DIAPH2: variants seen among roughly 807,000 people sequenced by gnomAD.
DIAPH2 encodes the protein protein diaphanous homolog 2.
Under a neutral mutation model 92.7 loss-of-function variants are expected in DIAPH2, and 35 were observed. The observed-to-expected ratio is 0.38, with a 90% CI of 0.29 to 0.50. The LOEUF is 0.50. Among genes scored for constraint, DIAPH2 ranks in the 20% least tolerant of loss-of-function variants. The pLI, the probability that DIAPH2 is intolerant of heterozygous loss-of-function variation, is 0.94. For missense variants in DIAPH2, 701 were observed against 819.5 expected, an observed-to-expected ratio of 0.86 and a Z score of 1.77; for synonymous variants, 301 against 280.4, an observed-to-expected ratio of 1.07 and a Z score of -0.73.
chrX:96,700,618 G>A (rs772147958), intron 1 of DIAPH2, among the ~76,000 whole-genome samples: 2 of 111,933 alleles, frequency 1.8e-5, no homozygotes, highest in South Asian at 7.5e-4. Context: ...ACTTCATAGT[G>A]GTGTTTTTAA....
At chrX:97,231,559 A>T (rs192948877) in intron 22 of DIAPH2, among the ~76,000 whole-genome samples, 4 of 111,687 alleles carry the variant, frequency 3.6e-5, no homozygotes, top group Admixed American at 2.9e-4. Context: ...AATTCAATGA[A>T]ATTTAAATAA....
intron 10 of DIAPH2, 76 bp downstream of exon 10, chrX:96,930,919 G>A: frequency 9.6e-7 from 1 of 1,046,183 alleles, no homozygotes; most frequent in Non-Finnish European, 1.3e-6. Context: ...ACTTGAAGCA[G>A]AGTAAATAAA....
intron 25 of DIAPH2, among the ~76,000 whole-genome samples, chrX:97,405,036 T>A (rs761560328): frequency 3.6e-5 from 4 of 112,377 alleles, no homozygotes; most frequent in Admixed American, 9.5e-5. Context: ...TGGATTTATT[T>A]ATTCAATTCT....
intron 22 of DIAPH2, among the ~76,000 whole-genome samples, chrX:97,241,180 C>G (rs1256209842): frequency 8.9e-6 from 1 of 112,019 alleles, no homozygotes; most frequent in Non-Finnish European, 1.9e-5. Flanking sequence ...GTAGTGCATA[C>G]CTTATAGAAT....
intron 16 of DIAPH2, among the ~76,000 whole-genome samples, chrX:96,962,352 C>CACATATATATAT (rs1569436507): frequency 1.4e-4 from 6 of 44,178 alleles, no homozygotes; most frequent in African/African-American, 2.9e-4. Context: ...TATATATATA[C>CACATATATATAT]ACATATATAT....
chrX:97,287,138 G>A (rs538342942), intron 23 of DIAPH2, among the ~76,000 whole-genome samples: 66 of 110,980 alleles, frequency 5.9e-4, no homozygotes, highest in Admixed American at 3.0e-3. Flanking sequence ...GTGAAACCCC[G>A]TCTCTACTAA....
chrX:97,040,149 A>G (rs1257074019), intron 17 of DIAPH2, among the ~76,000 whole-genome samples: 1 of 107,481 alleles, frequency 9.3e-6, no homozygotes, highest in Non-Finnish European at 1.9e-5. Context: ...GTAGGTTGAG[A>G]CTTGGCAAGT....
intron 25 of DIAPH2, among the ~76,000 whole-genome samples, chrX:97,422,825 G>A (rs955630264): frequency 8.9e-6 from 1 of 111,885 alleles, no homozygotes; most frequent in Non-Finnish European, 1.9e-5. Context: ...GGAGAGCACA[G>A]AGTAATTTCA....
At chrX:97,090,401 G>T (rs1349817473) in intron 19 of DIAPH2, among the ~76,000 whole-genome samples, 2 of 97,207 alleles carry the variant, frequency 2.1e-5, no homozygotes, top group African/African-American at 7.7e-5. Context: ...GGCCACCGCT[G>T]CCCGCCACGC....
At chrX:97,198,397 C>T (rs1267119411) in intron 22 of DIAPH2, among the ~76,000 whole-genome samples, 1 of 109,505 alleles carries the variant, frequency 9.1e-6, no homozygotes, top group Non-Finnish European at 1.9e-5. Context: ...TTAAGCTAAA[C>T]TTGTCCATTG....
In DIAPH2 at chrX:96,981,441, C is replaced by G. The variant is rs182519199; in HGVS notation, c.2050+16234C>G. 1.1e-3 allele frequency among the ~76,000 whole-genome samples: 119 copies of G among 111,542 alleles called. 1 individual carries two copies. Among genetic ancestry groups the G allele is most frequent in the African/African-American group, 3.8e-3 (117 of 30,717 alleles). ...AATACAATAATAATCAATAGAATAA[C>G]TATCAAAAGGTTTTATGAGAATGAA... On this transcript the variant is annotated intron_variant, in intron 17 of 26. Coordinates refer to ENST00000324765, the MANE Select transcript of DIAPH2 (RefSeq NM_006729.5).
At chrX:97,401,061 T>G (rs2069752591) in intron 25 of DIAPH2, among the ~76,000 whole-genome samples, 1 of 110,144 alleles carries the variant, frequency 9.1e-6, no homozygotes, top group African/African-American at 3.3e-5. Context: ...TTTTTTAGCA[T>G]TTCAGAGCAT....
At chrX:97,469,616 T>C in intron 26 of DIAPH2, 1 of 926,575 alleles carries the variant, frequency 1.1e-6, no homozygotes. Flanking sequence ...TTTTGTCTTA[T>C]TCAGTGTTCT....
chrX:97,541,130 G>T (rs1190374998), intron 26 of DIAPH2, among the ~76,000 whole-genome samples: 3 of 111,504 alleles, frequency 2.7e-5, no homozygotes, highest in African/African-American at 9.8e-5. Context: ...AATTAAACAT[G>T]ACGTTTCCTC....
At chrX:96,937,408 G>T in intron 11 of DIAPH2, 57 bp downstream of exon 11, 1 of 754,164 alleles carries the variant, frequency 1.3e-6, no homozygotes, top group Non-Finnish European at 1.9e-6. Flanking sequence ...AGGGATTTGT[G>T]GGCGATTTTG....
chrX:96,685,282 C>T, intron 1 of DIAPH2, 92 bp downstream of exon 1: 3 of 909,573 alleles, frequency 3.3e-6, no homozygotes, highest in Non-Finnish European at 4.2e-6. Flanking sequence ...GGGGCCCCCT[C>T]CCAAGGATGA....
At chrX:97,246,288 A>G (rs1409587556) in intron 22 of DIAPH2, among the ~76,000 whole-genome samples, 1 of 111,407 alleles carries the variant, frequency 9.0e-6, no homozygotes, top group Non-Finnish European at 1.9e-5. Context: ...AGAGAAACCT[A>G]AGTGAAAAAA....
At chrX:97,102,664 G>C (rs887010861) in intron 20 of DIAPH2, among the ~76,000 whole-genome samples, 1 of 112,075 alleles carries the variant, frequency 8.9e-6, no homozygotes, top group East Asian at 2.8e-4. Context: ...AGGATGCCGG[G>C]CGCGTTGGCT....
intron 26 of DIAPH2, among the ~76,000 whole-genome samples, chrX:97,597,479 G>T (rs927128240): frequency 7.2e-5 from 8 of 111,479 alleles, no homozygotes; most frequent in African/African-American, 2.6e-4. Context: ...ATGGTGTGGG[G>T]TGCCAGTAGC....
Sources: gnomAD v4.1 joint callset for allele counts (sites outside exome capture counted in the v4.1 genomes callset) on GRCh38, gnomAD v4.1.1 for gene constraint, MANE v1.5 for transcripts, NCBI Gene and HGNC (gene_info 2026-07-23, HGNC 2026-07-21) for gene names.